CDKAL1: variants seen among roughly 807,000 people sequenced by gnomAD.
CDKAL1 encodes threonylcarbamoyladenosine tRNA methylthiotransferase.
In CDKAL1, 32 loss-of-function variants were observed where a neutral mutation model predicts 68.2. The observed-to-expected ratio is 0.47, with a 90% confidence interval of 0.35 to 0.63. The LOEUF (loss-of-function observed/expected upper bound fraction) is 0.63. CDKAL1 is among the 30% of genes least tolerant of loss of function. The pLI is 0.00. For synonymous variants in CDKAL1, 234 were observed against 244.3 expected (o/e 0.96, Z 0.39); for missense variants, 606 against 696.7 (o/e 0.87, Z 1.47).
chr6:20,970,841 TTTTTG>T (rs922376273), intron 10 of CDKAL1, among the ~76,000 whole-genome samples: 1 of 152,122 alleles, frequency 6.6e-6, no homozygotes, highest in Non-Finnish European at 1.5e-5. Flanking sequence ...TTCTTTCTGT[TTTTTG>T]TTTTGTTTTG....
At chr6:20,830,336 G>C (rs548822574) in intron 8 of CDKAL1, among the ~76,000 whole-genome samples, 1 of 152,196 alleles carries the variant, frequency 6.6e-6, no homozygotes, top group African/African-American at 2.4e-5. Flanking sequence ...GCAACAATAT[G>C]TTTTGCCCTA....
At chr6:21,223,994 T>TAGAGC (rs1379998314) in intron 15 of CDKAL1, among the ~76,000 whole-genome samples, 1 of 152,186 alleles carries the variant, frequency 6.6e-6, no homozygotes, top group Admixed American at 6.5e-5. Context: ...TGTAAACGTG[T>TAGAGC]AGAGCATCAC....
intron 9 of CDKAL1, among the ~76,000 whole-genome samples, chr6:20,913,290 C>T (rs1202647536): frequency 6.6e-6 from 1 of 152,134 alleles, no homozygotes; most frequent in Admixed American, 6.5e-5. Context: ...TCCAAAGACT[C>T]ACATGGGGCA....
At chr6:20,767,299 T>C (rs535477324) in intron 7 of CDKAL1, among the ~76,000 whole-genome samples, 77 of 152,306 alleles carry the variant, frequency 5.1e-4, no homozygotes, top group Non-Finnish European at 9.0e-4. Flanking sequence ...CTGTTTTGCT[T>C]TGATTATTCT....
chr6:20,890,472 A>T (rs138343463), intron 9 of CDKAL1, among the ~76,000 whole-genome samples: 101 of 152,352 alleles, frequency 6.6e-4, no homozygotes, highest in East Asian at 6.4e-3. Flanking sequence ...AAATAATTCC[A>T]TGTATTTTCA....
At chr6:20,791,556 G>A (rs1207418761) in intron 8 of CDKAL1, among the ~76,000 whole-genome samples, 1 of 152,172 alleles carries the variant, frequency 6.6e-6, no homozygotes, top group Non-Finnish European at 1.5e-5. Flanking sequence ...TCATCTGGAA[G>A]ATAGCCTATT....
At chr6:20,669,028 T>C (rs1333777883) in intron 5 of CDKAL1, among the ~76,000 whole-genome samples, 1 of 152,200 alleles carries the variant, frequency 6.6e-6, no homozygotes, top group East Asian at 1.9e-4. Flanking sequence ...TGTTGATATA[T>C]CTCTGTACCA....
At chr6:20,594,216 A>G (rs1314062805) in intron 4 of CDKAL1, among the ~76,000 whole-genome samples, 1 of 152,146 alleles carries the variant, frequency 6.6e-6, no homozygotes, top group Non-Finnish European at 1.5e-5. Context: ...GCTGAGTTCA[A>G]GTCCTGAATA....
At chr6:20,952,372 C>T (rs1764577891) in intron 9 of CDKAL1, among the ~76,000 whole-genome samples, 2 of 152,222 alleles carry the variant, frequency 1.3e-5, no homozygotes, top group African/African-American at 4.8e-5. Context: ...TTTAAGCTAG[C>T]CCAGCAGGCC....
intron 15 of CDKAL1, among the ~76,000 whole-genome samples, chr6:21,204,999 GA>G (rs774925476): frequency 2.0e-5 from 3 of 152,112 alleles, no homozygotes; most frequent in Non-Finnish European, 2.9e-5. Context: ...CCGCCTCTAT[GA>G]ATTTGATTAC....
chr6:21,139,600 TC>T (rs1775801023), intron 13 of CDKAL1, among the ~76,000 whole-genome samples: 1 of 152,042 alleles, frequency 6.6e-6, no homozygotes, highest in Non-Finnish European at 1.5e-5. Context: ...AGCCTCAACC[TC>T]CCAGGGTCAA....
chr6:21,215,936 C>A (rs966159648), intron 15 of CDKAL1, among the ~76,000 whole-genome samples: 4 of 152,146 alleles, frequency 2.6e-5, no homozygotes, highest in Non-Finnish European at 5.9e-5. Context: ...GGAGGGTATA[C>A]TTGATTATCC....
chr6:20,647,499 G>A lies in CDKAL1; in HGVS notation c.287-1794G>A, dbSNP rs552885668. On this transcript the variant is annotated intron_variant, in intron 4 of 15. Coordinates refer to ENST00000274695, the MANE Select transcript of CDKAL1 (RefSeq NM_017774.3). The stretch of plus-strand genomic sequence containing the variant: ...CCCATCACTCTGTTGGGATTTGAAC[G>A]TTCAAGGAGCAGCAGATAAAAATGT... Among the ~76,000 whole-genome samples, 9 of 152,246 alleles carry A rather than the reference G, an allele frequency of 5.9e-5. No individual in the cohort carries two copies. In the South Asian group the frequency reaches 8.3e-4, roughly 14 times the overall value.
chr6:20,591,522 A>C (rs970401128), intron 4 of CDKAL1, among the ~76,000 whole-genome samples: 2 of 152,078 alleles, frequency 1.3e-5, no homozygotes, highest in African/African-American at 4.8e-5. Flanking sequence ...TCTTGAGTTA[A>C]TTTTTCTATA....
chr6:20,862,808 C>T (rs1046714439), intron 9 of CDKAL1, among the ~76,000 whole-genome samples: 1 of 152,150 alleles, frequency 6.6e-6, no homozygotes, highest in Admixed American at 6.5e-5. Flanking sequence ...GGGTGGATCA[C>T]CTGAGGCCAG....
chr6:20,914,861 A>C (rs1581821077), intron 9 of CDKAL1, among the ~76,000 whole-genome samples: 1 of 152,184 alleles, frequency 6.6e-6, no homozygotes, highest in East Asian at 1.9e-4. Context: ...AAATTTGAAT[A>C]TCAGTTGTAT....
At chr6:20,613,246 T>TTTC in intron 4 of CDKAL1, among the ~76,000 whole-genome samples, 1 of 97,538 alleles carries the variant, frequency 1.0e-5, no homozygotes, top group Non-Finnish European at 2.1e-5. Context: ...ACAAAATTTC[T>TTTC]TTCTTTTTTT....
chr6:20,729,829 G>A lies in CDKAL1; in HGVS notation c.372-9690G>A, dbSNP rs9465872. 3.4e-3 allele frequency among the ~76,000 whole-genome samples: 512 copies of A among 152,210 alleles called. 3 individuals carry two copies. The highest frequency in any genetic ancestry group is 0.012 in the African/African-American group (478 of 41,516). On this transcript the variant is annotated intron_variant, in intron 5 of 15. Transcript: ENST00000274695. ...TAAGGTTCCTTTTTGTGCCTATGCCGTGATTCATGTTAGCTACTCCTCGTG... is the reference window on the plus strand; with the variant it reads ...TAAGGTTCCTTTTTGTGCCTATGCCATGATTCATGTTAGCTACTCCTCGTG...
chr6:21,025,805 T>C (rs187044360), intron 11 of CDKAL1, among the ~76,000 whole-genome samples: 8 of 152,254 alleles, frequency 5.3e-5, no homozygotes, highest in Admixed American at 1.3e-4. Flanking sequence ...CTAATTCATC[T>C]GCTTGCTTCT....
Sources: gnomAD v4.1 joint callset for allele counts (sites outside exome capture counted in the v4.1 genomes callset) on GRCh38, gnomAD v4.1.1 for gene constraint, MANE v1.5 for transcripts, NCBI Gene and HGNC (gene_info 2026-07-23, HGNC 2026-07-21) for gene names.